NHSL1: variants seen among roughly 807,000 people sequenced by gnomAD.
NHSL1 encodes the protein NHS like 1.
NHSL1 carries 48 observed loss-of-function variants against 95.0 expected under a neutral mutation model. The ratio of observed to expected loss-of-function variants is 0.51; its 90% CI spans 0.40 to 0.64. The LOEUF is 0.64. NHSL1 is among the 30% of genes least tolerant of loss of function. The probability of loss-of-function intolerance (pLI) is 0.00; values close to 1 mark genes in which losing one functional copy is unlikely to be tolerated. For synonymous variants in NHSL1, 783 were observed against 833.9 expected (o/e 0.94, Z 1.05); for missense variants, 1,971 against 2,077.7 (o/e 0.95, Z 1.00).
At chr6:138,463,589 T>C (rs11755644) in intron 3 of NHSL1, among the ~76,000 whole-genome samples, 2,574 of 151,744 alleles carry the variant, frequency 0.017, 34 homozygotes, top group Non-Finnish European at 0.026. Flanking sequence ...GTTTGTTACA[T>C]AGGTATACAT....
At chr6:138,537,456 A>G (rs781286931) in intron 1 of NHSL1, among the ~76,000 whole-genome samples, 9 of 152,244 alleles carry the variant, frequency 5.9e-5, no homozygotes, top group South Asian at 2.1e-4. Context: ...CTTTCTCACT[A>G]TGTAGAAATA....
At chr6:138,449,690 A>AT (rs199516012) in intron 3 of NHSL1, among the ~76,000 whole-genome samples, 13 of 152,028 alleles carry the variant, frequency 8.6e-5, no homozygotes, top group Admixed American at 2.6e-4. Context: ...AAAAAAAAAA[A>AT]TTTGTGGATA....
chr6:138,449,651 T>A (rs1000700687), intron 3 of NHSL1, among the ~76,000 whole-genome samples: 13 of 151,278 alleles, frequency 8.6e-5, no homozygotes, highest in Non-Finnish European at 1.9e-4. Context: ...CACTCCAGCC[T>A]GGCAACAGAT....
intron 1 of NHSL1, among the ~76,000 whole-genome samples, chr6:138,519,955 C>T (rs953160678): frequency 3.3e-5 from 5 of 152,140 alleles, no homozygotes; most frequent in South Asian, 4.1e-4. Flanking sequence ...ACCTTTTTCA[C>T]GTTTTATACT....
At chr6:138,666,803 T>C (rs1159978538) in intron 1 of NHSL1, among the ~76,000 whole-genome samples, 1 of 152,176 alleles carries the variant, frequency 6.6e-6, no homozygotes, top group South Asian at 2.1e-4. Flanking sequence ...CACTCAAATG[T>C]TGACGATGAC....
chr6:138,667,522 A>G (rs6570258), intron 1 of NHSL1, among the ~76,000 whole-genome samples: 6,099 of 152,312 alleles, frequency 0.04, 318 homozygotes, highest in African/African-American at 0.12. Context: ...ATTTCTCTAG[A>G]AAAGACTGAC....
At chr6:138,522,073 C>G (rs750839046) in intron 1 of NHSL1, among the ~76,000 whole-genome samples, 3 of 152,106 alleles carry the variant, frequency 2.0e-5, no homozygotes, top group Non-Finnish European at 4.4e-5. Context: ...CGTCTGGCCA[C>G]GTGGAAACCG....
chr6:138,641,464 C>A (rs919150779), intron 1 of NHSL1, among the ~76,000 whole-genome samples: 1 of 151,896 alleles, frequency 6.6e-6, no homozygotes, highest in African/African-American at 2.4e-5. Context: ...TGTGTCTCCA[C>A]TAAATGGTTT....
intron 7 of NHSL1, 31 bp downstream of exon 7, chr6:138,429,680 G>T (rs1464589925): frequency 3.3e-6 from 5 of 1,532,740 alleles, no homozygotes; most frequent in South Asian, 2.5e-5. Context: ...TTACACAGTA[G>T]ATTAAAGTCA....
At chr6:138,588,448 C>T (rs1784173894) in intron 1 of NHSL1, among the ~76,000 whole-genome samples, 1 of 151,658 alleles carries the variant, frequency 6.6e-6, no homozygotes, top group African/African-American at 2.4e-5. Context: ...GGTGACAGAG[C>T]AAGACTTCGT....
Position 138,424,851 on chromosome 6 carries a change from C to A in NHSL1, c.4086-35G>T, listed in dbSNP as rs1242542798. 1 of 1,516,596 alleles carries A rather than the reference C, an allele frequency of 6.6e-7. No homozygotes were observed. The highest frequency in any genetic ancestry group is 8.9e-7 in the Non-Finnish European group (1 of 1,124,228). 93.9% of individuals were successfully genotyped at this position (1,516,596 alleles called of 1,614,324 possible). A position where few individuals can be genotyped will look rare whatever the true frequency, so the allele number is the denominator to read the frequency against. On this transcript the variant is annotated intron_variant, in intron 7 of 7. Transcript: ENST00000343505. This position sits in a 1 kb window ranked among gnomAD's most constrained non-coding sequence, Gnocchi z 5.9. Reference sequence around the variant, plus strand: ...AATAACATTAAGAAAAAGGTTAATTCCCACGGGACCACAGGCTGTCAGCCA... The same window carrying A: ...AATAACATTAAGAAAAAGGTTAATTACCACGGGACCACAGGCTGTCAGCCA...
upstream of NHSL1, among the ~76,000 whole-genome samples, chr6:138,550,195 T>A (rs1359569796): frequency 1.3e-5 from 2 of 152,002 alleles, no homozygotes; most frequent in East Asian, 3.9e-4. Flanking sequence ...GCTGGGATCG[T>A]GCCACTGTAT....
At chr6:138,671,964 GA>G (rs1235931821) in intron 1 of NHSL1, among the ~76,000 whole-genome samples, 3 of 151,826 alleles carry the variant, frequency 2.0e-5, no homozygotes, top group East Asian at 1.9e-4. Flanking sequence ...GTTGAGGAAG[GA>G]AAAAAGGGCT....
chr6:138,557,897 C>T (rs1783252225), intron 1 of NHSL1, among the ~76,000 whole-genome samples: 1 of 152,194 alleles, frequency 6.6e-6, no homozygotes, highest in Non-Finnish European at 1.5e-5. Flanking sequence ...ACTGCACAAA[C>T]CATGACCTGT....
intron 1 of NHSL1, among the ~76,000 whole-genome samples, chr6:138,689,291 G>A (rs975389869): frequency 1.3e-5 from 2 of 152,054 alleles, no homozygotes; most frequent in Non-Finnish European, 2.9e-5. Context: ...TGTGGTGATC[G>A]AGGTGAACCA....
At chr6:138,572,082 G>C in exon 1 of NHSL1, 1 of 578,860 alleles carries the variant, frequency 1.7e-6, no homozygotes. Context: ...CAATTAAAAA[G>C]AAAGGGAAAA....
rs531163393 is a variant in NHSL1 at position 138,663,687 on chromosome 6, T to C, written c.96+28789A>G. On this transcript the variant is annotated intron_variant, in intron 1 of 3. Coordinates refer to the NHSL1 transcript ENST00000491526. ...GAGTTCGAGACCAGCCTGGTCAACATGGTGAAACCCCATCTCTACTAAAAA... is the reference window on the plus strand; with the variant it reads ...GAGTTCGAGACCAGCCTGGTCAACACGGTGAAACCCCATCTCTACTAAAAA... Among the ~76,000 whole-genome samples the C allele has an allele frequency of 1.4e-4, 21 of 151,932 alleles. No individual in the cohort carries two copies. In the South Asian group the frequency reaches 4.4e-3, roughly 32 times the overall value.
intron 1 of NHSL1, among the ~76,000 whole-genome samples, chr6:138,529,169 G>T (rs570300679): frequency 6.6e-6 from 1 of 152,260 alleles, no homozygotes; most frequent in East Asian, 1.9e-4. Flanking sequence ...CTTGCACTGG[G>T]TCAACTATGA....
At chr6:138,489,318 T>G (rs1014824559) in intron 2 of NHSL1, among the ~76,000 whole-genome samples, 3 of 152,218 alleles carry the variant, frequency 2.0e-5, no homozygotes, top group African/African-American at 7.2e-5. Context: ...TGTAAACAGA[T>G]ATTATGGCCT....
Sources: gnomAD v4.1 joint callset for allele counts (sites outside exome capture counted in the v4.1 genomes callset) on GRCh38, gnomAD v4.1.1 for gene constraint, Gnocchi (gnomAD v3.1) non-coding constraint, MANE v1.5 for transcripts, NCBI Gene and HGNC (gene_info 2026-07-23, HGNC 2026-07-21) for gene names.